Variants in DAGLA observed in about 807,000 individuals in gnomAD.
DAGLA encodes diacylglycerol lipase alpha, also known as diacylglycerol lipase-alpha.
Under a neutral mutation model 102.6 loss-of-function variants are expected in DAGLA, and 22 were observed. That is an observed-to-expected ratio of 0.21 (90% CI 0.15 to 0.31). The LOEUF is 0.31. Ranked by LOEUF, DAGLA falls within the 10% of genes least tolerant of loss-of-function variation. The pLI, the probability that DAGLA is intolerant of heterozygous loss-of-function variation, is 1.00. For synonymous variants in DAGLA, 578 were observed against 628.9 expected, an observed-to-expected ratio of 0.92 and a Z score of 1.21; for missense variants, 927 against 1,446.6, an observed-to-expected ratio of 0.64 and a Z score of 5.83.
In DAGLA at chr11:61,728,272, C is replaced by T. The variant is rs200834246; in HGVS notation, c.756C>T (p.Asn252=). 1.4e-4 allele frequency: 225 copies of T among 1,612,404 alleles called. No homozygotes were observed. In the East Asian group the frequency reaches 4.0e-3, roughly 29 times the overall value. ...GGCAGCGGCAGCGGGCCAAGCGCAA[C>T]GCCGTGCTGGACGAGGTGAGCACCA... The part of the protein sequence containing the change: ...LLRQRQRAKR[N]AVLDEANNDI... Residue 252 remains asparagine, a synonymous_variant, in exon 7 of 20, where the codon AAC becomes AAT. Transcript: ENST00000257215.
chr11:61,740,978 T>C (rs2065473559), intron 18 of DAGLA, among the ~76,000 whole-genome samples, 184 bp from the exon 19 acceptor site: 1 of 151,720 alleles, frequency 6.6e-6, no homozygotes, highest in Non-Finnish European at 1.5e-5. Flanking sequence ...GTGGGGCGAG[T>C]CGTGACCAGA....
rs1300379056 is a variant in DAGLA, at chr11:61,735,594, C to G, written c.1162C>G (p.His388Asp). The part of the protein sequence containing the change: ...YETPFYVAVD[H>D]DKKKVVISIR... ...AACGCCCTTCTACGTGGCGGTGGAC[C>G]ATGACAAGAAGAAAGTGGTGATCAG... The change falls in exon 11 of 20, where the codon CAT (histidine) becomes GAT (aspartate). Residue 388 changes from histidine (H) to aspartate (D), a missense_variant. By Grantham distance (81) the His-to-Asp change is moderately conservative. Around this residue, in one of 4 missense-constraint regions of DAGLA, gnomAD observed 218 missense variants for 459.6 expected, o/e 0.47. Transcript: ENST00000257215. The G allele has an allele frequency of 1.2e-6, 2 of 1,614,050 alleles. No homozygotes were observed. The highest frequency in any genetic ancestry group is 1.7e-6 in the Non-Finnish European group (2 of 1,179,948).
rs763930966 is a variant in DAGLA at position 61,731,358 on chromosome 11, C to G, written c.891C>G (p.Leu297=). Residue 297 remains leucine, a synonymous_variant, in exon 9 of 20, where the codon CTC becomes CTG. Coordinates refer to ENST00000257215, the MANE Select transcript of DAGLA (RefSeq NM_006133.3). The part of the protein sequence containing the change: ...LRYKEVCYYM[L]FALAAYGWPM... ...ACAAAGAGGTCTGCTACTACATGCT[C>G]TTTGCCCTGGCTGCCTACGGGTGGC... 2 of 1,614,160 alleles carry G rather than the reference C, an allele frequency of 1.2e-6. No homozygotes were observed. The highest frequency in any genetic ancestry group is 1.7e-5 in the Admixed American group (1 of 60,026).
intron 1 of DAGLA, among the ~76,000 whole-genome samples, chr11:61,700,992 T>C (rs1239077753): frequency 1.3e-5 from 2 of 152,208 alleles, no homozygotes; most frequent in Non-Finnish European, 2.9e-5. Context: ...TGAGGAAATC[T>C]GATTTGTGTC....
chr11:61,742,194 C>T (rs2065486034), intron 19 of DAGLA, among the ~76,000 whole-genome samples: 1 of 152,208 alleles, frequency 6.6e-6, no homozygotes, highest in Non-Finnish European at 1.5e-5. Context: ...GACGTCTGGT[C>T]TACACACTCA....
chr11:61,700,408 T>G (rs2065100533), intron 1 of DAGLA, among the ~76,000 whole-genome samples: 1 of 151,772 alleles, frequency 6.6e-6, no homozygotes, highest in African/African-American at 2.4e-5. Flanking sequence ...CCCCAGGAAC[T>G]TGAACTTGGA....
chr11:61,726,135 T>A, intron 6 of DAGLA, 53 bp downstream of exon 6: 1 of 1,550,868 alleles, frequency 6.4e-7, no homozygotes, highest in East Asian at 2.2e-5. Context: ...GTCAGGTGAT[T>A]AAGGGGCTGT....
chr11:61,708,306 C>T (rs2065166611), intron 1 of DAGLA, among the ~76,000 whole-genome samples: 1 of 151,916 alleles, frequency 6.6e-6, no homozygotes, highest in Admixed American at 6.6e-5. Context: ...CCGCGCCCGA[C>T]TTGGGGGTTG....
At chr11:61,723,725 C>A (rs566265004) in intron 5 of DAGLA, among the ~76,000 whole-genome samples, 153 bp downstream of exon 5, 2 of 152,330 alleles carry the variant, frequency 1.3e-5, no homozygotes, top group East Asian at 3.9e-4. Context: ...TAACTGCTCC[C>A]TGCCTCAGTT....
intron 1 of DAGLA, among the ~76,000 whole-genome samples, chr11:61,708,193 A>C (rs1204587073): frequency 3.3e-5 from 5 of 152,018 alleles, no homozygotes; most frequent in South Asian, 4.1e-4. Flanking sequence ...TTTTTAGTAG[A>C]GATGGAGTTT....
At chr11:61,728,686 C>T (rs2065351031) in intron 7 of DAGLA, among the ~76,000 whole-genome samples, 2 of 152,232 alleles carry the variant, frequency 1.3e-5, no homozygotes, top group South Asian at 4.1e-4. Context: ...ATACCTTTCG[C>T]CTGCTGTGGG....
intron 1 of DAGLA, among the ~76,000 whole-genome samples, chr11:61,689,578 C>T (rs897708596): frequency 6.6e-6 from 1 of 151,350 alleles, no homozygotes; most frequent in Admixed American, 6.6e-5. Flanking sequence ...GATCTGGGCT[C>T]ACTGCAAGCT....
intron 19 of DAGLA, 96 bp downstream of exon 19, chr11:61,741,445 A>C: frequency 7.4e-7 from 1 of 1,351,696 alleles, no homozygotes; most frequent in Non-Finnish European, 1.0e-6. Context: ...CACTGGGCTC[A>C]GCTCTGCACA....
Position 61,741,356 on chromosome 11 carries a change from C to G in DAGLA, c.2171+7C>G. 1 of 1,602,276 alleles carries G rather than the reference C, an allele frequency of 6.2e-7. No individual in the cohort carries two copies. The highest frequency in any genetic ancestry group is 8.5e-7 in the Non-Finnish European group (1 of 1,178,626). On this transcript the variant is annotated splice_region_variant and intron_variant, in intron 19 of 19. Transcript: ENST00000257215. ...ACCGCAACAGCAGCGTCAGGTGAGCCTTGGCCACTCCCAGCCCCACCCCAG... is the reference window on the plus strand; with the variant it reads ...ACCGCAACAGCAGCGTCAGGTGAGCGTTGGCCACTCCCAGCCCCACCCCAG...
Position 61,734,978 on chromosome 11 carries a change from C to T in DAGLA, c.1104C>T (p.Ile368=), listed in dbSNP as rs750877295. Residue 368 remains isoleucine (I), a synonymous_variant, in exon 10 of 20, where the codon ATC becomes ATT. Transcript: ENST00000257215. This position sits in a 1 kb window ranked among gnomAD's most constrained non-coding sequence, Gnocchi z 4.2. ...ACGAGAACATGACTGCGGTGGACAT[C>T]GTCTATACCTCCTGCCATGATGCGG... ...FLDENMTAVD[I]VYTSCHDAVY... The T allele has an allele frequency of 6.2e-6, 10 of 1,613,740 alleles. No homozygotes were observed. The highest frequency in any genetic ancestry group is 3.3e-4 in the Middle Eastern group (2 of 6,082).
At chr11:61,689,539 C>T (rs1454063243) in intron 1 of DAGLA, among the ~76,000 whole-genome samples, 1 of 150,020 alleles carries the variant, frequency 6.7e-6, no homozygotes, top group Non-Finnish European at 1.5e-5. Flanking sequence ...GAGTCTTGCT[C>T]TGTTGCCCAG....
Position 61,728,928 on chromosome 11 carries a change from C to T in DAGLA, c.772-3C>T. On this transcript the variant is annotated splice_polypyrimidine_tract_variant and splice_region_variant and intron_variant, in intron 7 of 19. Transcript: ENST00000257215. ...TGTCCTTCTTCACCTGCCGGTCTTA[C>T]AGGCAAACAATGACATCTTGGCCTT... The T allele has an allele frequency of 6.2e-7, 1 of 1,614,064 alleles. No homozygotes were observed. The highest frequency in any genetic ancestry group is 8.5e-7 in the Non-Finnish European group (1 of 1,179,874).
At chr11:61,738,568 C>G (rs1051358394) in intron 16 of DAGLA, among the ~76,000 whole-genome samples, 1 of 152,242 alleles carries the variant, frequency 6.6e-6, no homozygotes, top group African/African-American at 2.4e-5. Context: ...TGAGGAAAGG[C>G]CTCTGCCGAA....
chr11:61,711,240 GT>G (rs1047897718), intron 1 of DAGLA, among the ~76,000 whole-genome samples: 29 of 152,194 alleles, frequency 1.9e-4, no homozygotes, highest in Non-Finnish European at 3.5e-4. Context: ...CGGCCTTTGC[GT>G]GAGGGCTTGG....
Sources: allele counts gnomAD v4.1 joint callset (sites outside exome capture counted in the v4.1 genomes callset), GRCh38; gene constraint gnomAD v4.1.1; regional missense constraint gnomAD v4.1.1; non-coding constraint Gnocchi (gnomAD v3.1); transcripts MANE v1.5; gene names NCBI Gene and HGNC (gene_info 2026-07-23, HGNC 2026-07-21).